PTK2: variants seen among roughly 807,000 people sequenced by gnomAD.
The protein encoded by PTK2 is focal adhesion kinase 1.
In PTK2, 45 loss-of-function variants were observed where a neutral mutation model predicts 150.1. The ratio of observed to expected loss-of-function variants is 0.30; its 90% CI spans 0.24 to 0.38. PTK2 has a LOEUF of 0.38. Ranked by LOEUF, PTK2 falls within the 10% of genes least tolerant of loss-of-function variation. PTK2 has a pLI of 1.00. For synonymous variants in PTK2, 432 were observed against 449.2 expected, an observed-to-expected ratio of 0.96 and a Z score of 0.48; for missense variants, 919 against 1,307.3, an observed-to-expected ratio of 0.70 and a Z score of 4.58.
intron 11 of PTK2, 64 bp from the exon 12 acceptor site, chr8:140,800,640 T>C (rs541560019): frequency 8.0e-7 from 1 of 1,244,992 alleles, no homozygotes; most frequent in Non-Finnish European, 1.2e-6. Context: ...AGGACAGCTG[T>C]GCTATGACAT....
At chr8:140,767,897 G>A (rs1179086934) in intron 14 of PTK2, among the ~76,000 whole-genome samples, 1 of 152,024 alleles carries the variant, frequency 6.6e-6, no homozygotes, top group African/African-American at 2.4e-5. Context: ...CTAAAAATTG[G>A]AGTACAGTCT....
intron 1 of PTK2, among the ~76,000 whole-genome samples, chr8:140,995,737 C>CA (rs1298566852): frequency 1.3e-5 from 2 of 152,008 alleles, no homozygotes; most frequent in African/African-American, 4.8e-5. Flanking sequence ...AACATTGCAT[C>CA]ACTGCACTCC....
intron 2 of PTK2, among the ~76,000 whole-genome samples, chr8:140,905,506 C>G (rs1272213127): frequency 6.6e-6 from 1 of 152,176 alleles, no homozygotes; most frequent in East Asian, 1.9e-4. Context: ...GCACCCAATA[C>G]AGGAGCACCC....
In PTK2 at chr8:140,824,850, C is replaced by A. The variant is rs140576851; in HGVS notation, c.648+5622G>T. 2.7e-3 allele frequency among the ~76,000 whole-genome samples: 404 copies of A among 152,312 alleles called. 2 individuals carry two copies. Among genetic ancestry groups the A allele is most frequent in the Non-Finnish European group, 3.9e-3 (266 of 68,028 alleles). ...GGATTTTGGAAACAAGGCATCTACG[C>A]ACACTATTTTATTTTAAACCAATTT... On this transcript the variant is annotated intron_variant, in intron 8 of 31. Coordinates refer to ENST00000522684, the Ensembl canonical transcript of PTK2.
chr8:140,738,602 G>A (rs980458886), intron 21 of PTK2, among the ~76,000 whole-genome samples: 17 of 152,166 alleles, frequency 1.1e-4, no homozygotes, highest in African/African-American at 3.6e-4. Context: ...AGAATAAAGA[G>A]ACAAGGTAGA....
chr8:140,738,304 A>G (rs755040212), intron 21 of PTK2, among the ~76,000 whole-genome samples: 1 of 152,222 alleles, frequency 6.6e-6, no homozygotes, highest in African/African-American at 2.4e-5. Flanking sequence ...GGTAGAAGGA[A>G]TAACACCAAG....
intron 1 of PTK2, among the ~76,000 whole-genome samples, chr8:140,939,575 C>T (rs989767851): frequency 2.0e-5 from 3 of 152,230 alleles, no homozygotes; most frequent in Non-Finnish European, 2.9e-5. Context: ...ATATTACATA[C>T]CATTCTGGCC....
intron 8 of PTK2, among the ~76,000 whole-genome samples, chr8:140,820,106 TTTTTTTTTTTTTAA>T (rs2100107465): frequency 1.1e-5 from 1 of 88,338 alleles, no homozygotes; most frequent in African/African-American, 5.9e-5. Flanking sequence ...TTTTTTTTTT[TTTTTTTTTTTTTAA>T]ATAGGGTCTC....
In PTK2 at chr8:140,981,617, G is replaced by T. The variant is rs373173870; in HGVS notation, c.-122+19508C>A. On this transcript the variant is annotated intron_variant, in intron 1 of 31. Coordinates refer to ENST00000522684, the Ensembl canonical transcript of PTK2. ...CTAAAAATGGTTTTACATCGTATAT[G>T]GTTAAAGAAACTAAAACAATGTTTC... Among the ~76,000 whole-genome samples, 3 of 152,332 alleles carry T rather than the reference G, an allele frequency of 2.0e-5. No homozygotes were observed. The South Asian group carries it at 6.2e-4, about 32-fold the overall frequency.
intron 24 of PTK2, among the ~76,000 whole-genome samples, chr8:140,705,320 C>A (rs2154135964): frequency 6.6e-6 from 1 of 152,198 alleles, no homozygotes; most frequent in South Asian, 2.1e-4. Flanking sequence ...GTACTGACAC[C>A]TTCAATAGGA....
chr8:140,985,394 G>A (rs115166223), intron 1 of PTK2, among the ~76,000 whole-genome samples: 6 of 152,076 alleles, frequency 3.9e-5, no homozygotes, highest in Non-Finnish European at 7.4e-5. Context: ...CAAAGTGCTC[G>A]AATTACAGGC....
At chr8:140,740,163 C>T (rs2100054892) in intron 20 of PTK2, among the ~76,000 whole-genome samples, 1 of 152,172 alleles carries the variant, frequency 6.6e-6, no homozygotes, top group Non-Finnish European at 1.5e-5. Context: ...CTGCTGAGTT[C>T]TCAAGATGAA....
chr8:140,677,948 T>A (rs947749807), intron 27 of PTK2, among the ~76,000 whole-genome samples: 1 of 152,114 alleles, frequency 6.6e-6, no homozygotes, highest in Admixed American at 6.5e-5. Flanking sequence ...ACAATGAACA[T>A]GTATTAGTAT....
At chr8:140,702,778 GA>G (rs1197598729) in intron 24 of PTK2, 71 bp from the exon 28 acceptor site, 11 of 1,493,498 alleles carry the variant, frequency 7.4e-6, no homozygotes, top group Non-Finnish European at 1.0e-5. Context: ...ACACACAAAG[GA>G]AACTAAAATT....
At chr8:140,894,603 G>C (rs1357695055) in intron 2 of PTK2, among the ~76,000 whole-genome samples, 1 of 152,132 alleles carries the variant, frequency 6.6e-6, no homozygotes, top group Non-Finnish European at 1.5e-5. Flanking sequence ...ATGAATTCCA[G>C]GATTTATTAA....
At chr8:140,734,635 T>C (rs866019935) in intron 22 of PTK2, 1 of 454,304 alleles carries the variant, frequency 2.2e-6, no homozygotes, top group Admixed American at 2.4e-5. Context: ...TGGCACAAAG[T>C]AGTAGCCACA....
chr8:140,826,268 G>A (rs953787539), intron 8 of PTK2, among the ~76,000 whole-genome samples: 3 of 152,152 alleles, frequency 2.0e-5, no homozygotes. Context: ...TTTGAAGAAG[G>A]GACTGTCTAG....
chr8:140,817,941 G>A (rs1249923894), intron 10 of PTK2, among the ~76,000 whole-genome samples: 1 of 151,996 alleles, frequency 6.6e-6, no homozygotes, highest in African/African-American at 2.4e-5. Flanking sequence ...GTTTCAAAGG[G>A]TAAGATGCCA....
At chr8:141,001,242 G>A (rs2100200153), upstream of PTK2, 1 of 147,726 alleles carries the variant, frequency 6.8e-6, no homozygotes, top group Admixed American at 6.7e-5. Context: ...TCCGGGACCG[G>A]CGGCGGCGGC....
Sources: allele counts gnomAD v4.1 joint callset (sites outside exome capture counted in the v4.1 genomes callset), GRCh38; gene constraint gnomAD v4.1.1; transcripts MANE v1.5; gene names NCBI Gene and HGNC (gene_info 2026-07-23, HGNC 2026-07-21).